KIAA1217: variants seen among roughly 807,000 people sequenced by gnomAD.
KIAA1217 encodes sickle tail protein homolog.
Under a neutral mutation model 163.9 loss-of-function variants are expected in KIAA1217, and 88 were observed. The observed-to-expected ratio is 0.54, with a 90% CI of 0.45 to 0.64. KIAA1217 has a LOEUF of 0.64. KIAA1217 is among the 30% of genes least tolerant of loss of function. KIAA1217 has a pLI of 0.00. For synonymous variants in KIAA1217, 903 were observed against 923.1 expected, an observed-to-expected ratio of 0.98 and a Z score of 0.39; for missense variants, 2,372 against 2,475.0, an observed-to-expected ratio of 0.96 and a Z score of 0.88.
chr10:23,922,683 T>A (rs1239483089), intron 1 of KIAA1217, among the ~76,000 whole-genome samples: 1 of 152,164 alleles, frequency 6.6e-6, no homozygotes, highest in Non-Finnish European at 1.5e-5. Flanking sequence ...GTAGTGAGCA[T>A]AGAAAAACAA....
intron 2 of KIAA1217, among the ~76,000 whole-genome samples, chr10:24,054,251 T>C (rs1406580565): frequency 6.6e-6 from 1 of 152,150 alleles, no homozygotes; most frequent in Admixed American, 6.5e-5. Flanking sequence ...CTATAAGCAT[T>C]CAAGAGGAGA....
intron 2 of KIAA1217, among the ~76,000 whole-genome samples, chr10:24,025,356 T>C (rs1340325207): frequency 2.0e-5 from 3 of 151,806 alleles, no homozygotes; most frequent in African/African-American, 4.8e-5. Flanking sequence ...GAATTTCTAC[T>C]GTGGCCCATT....
At chr10:24,234,753 G>A (rs910123172) in intron 2 of KIAA1217, among the ~76,000 whole-genome samples, 2 of 150,664 alleles carry the variant, frequency 1.3e-5, no homozygotes, top group African/African-American at 2.4e-5. Flanking sequence ...GGGAAATTCC[G>A]TCCACTAGCA....
intron 2 of KIAA1217, among the ~76,000 whole-genome samples, chr10:24,074,131 G>T (rs2048386977): frequency 6.6e-6 from 1 of 152,160 alleles, no homozygotes; most frequent in African/African-American, 2.4e-5. Flanking sequence ...ATCACCTGAA[G>T]TCAGGAGTTT....
At chr10:23,775,240 A>G (rs556013125) in intron 1 of KIAA1217, among the ~76,000 whole-genome samples, 2 of 152,266 alleles carry the variant, frequency 1.3e-5, no homozygotes, top group South Asian at 4.2e-4. Context: ...AGAGACATTT[A>G]TGAGTAGTAT....
rs78106306 is a variant in KIAA1217 at position 23,786,414 on chromosome 10, A to G, written c.-321+91180A>G. On this transcript the variant is annotated intron_variant, in intron 1 of 18. Transcript: ENST00000376462. ...TTTGGTGGCTCACAGTCATGCCTCT[A>G]TGACAACAAATTCTGACAGTTTAGA... Among the ~76,000 whole-genome samples the G allele has an allele frequency of 7.0e-3, 1,067 of 152,146 alleles. 19 individuals are homozygous for G. The highest frequency in any genetic ancestry group is 0.025 in the African/African-American group (1,024 of 41,494).
At chr10:24,303,097 G>T (rs1008579246) in intron 2 of KIAA1217, among the ~76,000 whole-genome samples, 1 of 152,052 alleles carries the variant, frequency 6.6e-6, no homozygotes, top group Non-Finnish European at 1.5e-5. Flanking sequence ...CACTGCAGCC[G>T]CAAACTCCTG....
At chr10:24,363,652 C>T (rs2050340329) in intron 2 of KIAA1217, among the ~76,000 whole-genome samples, 1 of 151,000 alleles carries the variant, frequency 6.6e-6, no homozygotes, top group Non-Finnish European at 1.5e-5. Flanking sequence ...GTTCACTGCA[C>T]CCTCCACCTC....
intron 1 of KIAA1217, among the ~76,000 whole-genome samples, chr10:23,977,693 C>A (rs1019672959): frequency 3.3e-5 from 5 of 152,166 alleles, no homozygotes; most frequent in Non-Finnish European, 5.9e-5. Flanking sequence ...TAAAAGATTT[C>A]ATTGCCCAGC....
At chr10:24,036,714 T>A (rs1443824231) in intron 2 of KIAA1217, among the ~76,000 whole-genome samples, 1 of 151,972 alleles carries the variant, frequency 6.6e-6, no homozygotes, top group Non-Finnish European at 1.5e-5. Flanking sequence ...AACAACCAGA[T>A]CTCACGTGGA....
chr10:24,201,358 C>A (rs1009331726), intron 2 of KIAA1217, among the ~76,000 whole-genome samples: 9 of 152,176 alleles, frequency 5.9e-5, no homozygotes, highest in African/African-American at 2.2e-4. Flanking sequence ...GTTATGGAAA[C>A]CCTGGCCCAA....
intron 2 of KIAA1217, among the ~76,000 whole-genome samples, chr10:24,030,908 A>G (rs548556779): frequency 6.6e-6 from 1 of 152,254 alleles, no homozygotes; most frequent in South Asian, 2.1e-4. Context: ...TTATCCATCT[A>G]TCATTGTTTC....
At chr10:23,952,026 T>A (rs1429915718) in intron 1 of KIAA1217, among the ~76,000 whole-genome samples, 1 of 152,146 alleles carries the variant, frequency 6.6e-6, no homozygotes, top group Non-Finnish European at 1.5e-5. Context: ...ATTAGAAGAA[T>A]TCACCCGCCT....
intron 2 of KIAA1217, among the ~76,000 whole-genome samples, chr10:24,035,444 G>A (rs761190954): frequency 6.6e-6 from 1 of 152,108 alleles, no homozygotes; most frequent in Non-Finnish European, 1.5e-5. Flanking sequence ...CAAGATATTT[G>A]TTCACATCTT....
chr10:23,817,608 G>C (rs1837367179), intron 1 of KIAA1217, among the ~76,000 whole-genome samples: 1 of 151,986 alleles, frequency 6.6e-6, no homozygotes, highest in Admixed American at 6.6e-5. Context: ...AAGACAGAAG[G>C]GTGTCTAAGA....
intron 1 of KIAA1217, among the ~76,000 whole-genome samples, chr10:23,731,459 C>G (rs751201174): frequency 6.6e-6 from 1 of 152,128 alleles, no homozygotes; most frequent in Non-Finnish European, 1.5e-5. Flanking sequence ...TGACCAGGAG[C>G]GCTTCATGGT....
intron 6 of KIAA1217, among the ~76,000 whole-genome samples, chr10:24,474,904 A>G (rs1469467297): frequency 6.6e-6 from 1 of 152,220 alleles, no homozygotes; most frequent in Non-Finnish European, 1.5e-5. Context: ...ATTGTTATAT[A>G]TGAATCAAGG....
chr10:23,882,956 G>C (rs574654939), intron 1 of KIAA1217, among the ~76,000 whole-genome samples: 15 of 151,894 alleles, frequency 9.9e-5, no homozygotes, highest in Non-Finnish European at 1.9e-4. Context: ...TCTGGTGGGA[G>C]AGTTTACATC....
At chr10:24,530,703 GC>G (rs895834898) in intron 14 of KIAA1217, among the ~76,000 whole-genome samples, 4 of 152,098 alleles carry the variant, frequency 2.6e-5, no homozygotes, top group Non-Finnish European at 4.4e-5. Flanking sequence ...TTCAAGAGCA[GC>G]CTGGGCAGCA....
Sources: allele counts gnomAD v4.1 joint callset (sites outside exome capture counted in the v4.1 genomes callset), GRCh38; gene constraint gnomAD v4.1.1; transcripts MANE v1.5; gene names NCBI Gene and HGNC (gene_info 2026-07-23, HGNC 2026-07-21).